Variants in GAB1 observed in about 807,000 individuals in gnomAD.
The protein encoded by GAB1 is GRB2 associated binding protein 1, also known as GRB2-associated-binding protein 1.
Under a neutral mutation model 66.5 loss-of-function variants are expected in GAB1, and 19 were observed. The observed-to-expected ratio is 0.29, with a 90% CI of 0.20 to 0.42. GAB1 has a LOEUF of 0.42. Among genes scored for constraint, GAB1 ranks in the 10% least tolerant of loss-of-function variants. GAB1 has a pLI of 1.00. For missense variants in GAB1, 732 were observed against 858.5 expected (o/e 0.85, Z 1.84); for synonymous variants, 294 against 301.4 (o/e 0.98, Z 0.25).
chr4:143,382,511 G>A (rs1730698459), intron 1 of GAB1, among the ~76,000 whole-genome samples: 1 of 152,134 alleles, frequency 6.6e-6, no homozygotes, highest in East Asian at 1.9e-4. Flanking sequence ...AAAAGCAATG[G>A]AATTTTATCA....
rs1282822111 is a variant in GAB1, at chr4:143,471,884, AC to A, written c.*2696del. ...GGTTTTAAAATATGCACGTATAAAAACTAAATTTGAATCAAACCCTTTTAAC... is the reference window on the plus strand; with the variant it reads ...GGTTTTAAAATATGCACGTATAAAAATAAATTTGAATCAAACCCTTTTAAC... On this transcript the variant is annotated 3_prime_UTR_variant, in exon 10 of 10. Coordinates refer to ENST00000262994, the MANE Select transcript of GAB1 (RefSeq NM_002039.4). The A allele has an allele frequency of 6.6e-6, 1 of 152,156 alleles. No individual in the cohort carries two copies. Among genetic ancestry groups the A allele is most frequent in the African/African-American group, 2.4e-5 (1 of 41,450 alleles). 9.4% of individuals were successfully genotyped at this position (152,156 alleles called of 1,614,324 possible).
intron 1 of GAB1, among the ~76,000 whole-genome samples, chr4:143,391,894 A>G (rs1438556405): frequency 2.6e-5 from 4 of 152,202 alleles, no homozygotes; most frequent in Non-Finnish European, 4.4e-5. Context: ...GTTATAACAG[A>G]TATTTTTAAA....
At chr4:143,360,905 T>C (rs1195081376) in intron 1 of GAB1, among the ~76,000 whole-genome samples, 1 of 152,314 alleles carries the variant, frequency 6.6e-6, no homozygotes, top group East Asian at 1.9e-4. Context: ...AGGAGAAATA[T>C]CAATTCTAAT....
intron 1 of GAB1, among the ~76,000 whole-genome samples, chr4:143,361,253 A>G (rs1729652518): frequency 6.6e-6 from 1 of 152,124 alleles, no homozygotes; most frequent in Admixed American, 6.5e-5. Flanking sequence ...CATATTTTAG[A>G]TTACTATTAA....
At chr4:143,445,984 C>T (rs1734497078) in intron 6 of GAB1, among the ~76,000 whole-genome samples, 1 of 152,090 alleles carries the variant, frequency 6.6e-6, no homozygotes, top group Non-Finnish European at 1.5e-5. Context: ...TGATGTTCCC[C>T]TTCCTGTGTC....
chr4:143,446,436 C>T (rs1446018541), intron 6 of GAB1, among the ~76,000 whole-genome samples: 1 of 151,108 alleles, frequency 6.6e-6, no homozygotes, highest in African/African-American at 2.4e-5. Context: ...CCTATTTCTC[C>T]ACATCCTCTC....
At chr4:143,434,175 G>A in intron 3 of GAB1, 2 of 1,266,606 alleles carry the variant, frequency 1.6e-6, no homozygotes, top group South Asian at 2.5e-5. Context: ...TGCAGTGAGT[G>A]TGTTGTGGTG....
chr4:143,413,824 C>CTTTTTTTTTTTTT (rs35422180), intron 1 of GAB1, among the ~76,000 whole-genome samples: 3 of 67,830 alleles, frequency 4.4e-5, no homozygotes, highest in African/African-American at 9.4e-5. Context: ...CCCCGCTGCC[C>CTTTTTTTTTTTTT]TTTTTTTTTT....
intron 2 of GAB1, among the ~76,000 whole-genome samples, chr4:143,429,010 TAAA>T (rs764747064): frequency 1.3e-5 from 2 of 152,050 alleles, no homozygotes; most frequent in Non-Finnish European, 2.9e-5. Flanking sequence ...TAAAAATAAA[TAAA>T]AAAAATCATG....
intron 3 of GAB1, among the ~76,000 whole-genome samples, chr4:143,437,081 A>G (rs2149752868): frequency 6.6e-6 from 1 of 152,284 alleles, no homozygotes; most frequent in African/African-American, 2.4e-5. Flanking sequence ...TTCTGATAGT[A>G]AAGGGGGAGA....
At chr4:143,391,650 G>A (rs1021903361) in intron 1 of GAB1, 5 of 152,110 alleles carry the variant, frequency 3.3e-5, no homozygotes, top group African/African-American at 4.8e-5. Flanking sequence ...ATTCATCTTG[G>A]CTTTTCTTTT....
At chr4:143,413,672 T>C (rs574145907) in intron 1 of GAB1, among the ~76,000 whole-genome samples, 12 of 152,170 alleles carry the variant, frequency 7.9e-5, no homozygotes, top group Admixed American at 6.5e-4. Flanking sequence ...GTATGTTAAA[T>C]ATTTTTTTCC....
intron 1 of GAB1, among the ~76,000 whole-genome samples, chr4:143,371,820 T>A (rs1392943366): frequency 6.6e-6 from 1 of 152,222 alleles, no homozygotes; most frequent in Non-Finnish European, 1.5e-5. Flanking sequence ...CTTTCCCGAT[T>A]TCTTGTTTTT....
chr4:143,446,599 G>C (rs541754878), intron 6 of GAB1, among the ~76,000 whole-genome samples: 14 of 152,324 alleles, frequency 9.2e-5, no homozygotes, highest in African/African-American at 3.1e-4. Flanking sequence ...CTTCTTTTGA[G>C]AAGTGTCTGT....
At chr4:143,441,258 C>T (rs187607282) in intron 6 of GAB1, among the ~76,000 whole-genome samples, 1 of 152,274 alleles carries the variant, frequency 6.6e-6, no homozygotes, top group African/African-American at 2.4e-5. Context: ...TTGCACCATG[C>T]TGTTAGTGTG....
rs528174220 is a variant in GAB1 at position 143,348,037 on chromosome 4, C to A, written c.72+10777C>A. Among the ~76,000 whole-genome samples, 11 of 152,294 alleles carry A rather than the reference C, an allele frequency of 7.2e-5. No homozygotes were observed. The South Asian group carries it at 1.9e-3, about 26-fold the overall frequency. ...GAGTTCTTGAGGGTTCCAGTGCTAG[C>A]CCTGGTTGGTCTCCTCCTCTTTTCA... On this transcript the variant is annotated intron_variant, in intron 1 of 9. Coordinates refer to ENST00000262994, the MANE Select transcript of GAB1 (RefSeq NM_002039.4).
chr4:143,418,296 T>C (rs1487561838), intron 2 of GAB1, among the ~76,000 whole-genome samples: 1 of 152,242 alleles, frequency 6.6e-6, no homozygotes, highest in Admixed American at 6.5e-5. Flanking sequence ...GTGGTCACAG[T>C]GTAAGTGGGC....
intron 1 of GAB1, among the ~76,000 whole-genome samples, chr4:143,362,498 G>A (rs993132293): frequency 1.3e-5 from 2 of 152,178 alleles, no homozygotes; most frequent in Non-Finnish European, 2.9e-5. Context: ...TAAACAAGGG[G>A]CGGATTATTC....
intron 1 of GAB1, 101 bp from the exon 2 acceptor site, chr4:143,415,376 C>A: frequency 1.1e-6 from 1 of 929,286 alleles, no homozygotes; most frequent in Non-Finnish European, 1.6e-6. Context: ...TTGTGACTTT[C>A]TCTAAACAAT....
Sources: allele counts gnomAD v4.1 joint callset (sites outside exome capture counted in the v4.1 genomes callset), GRCh38; gene constraint gnomAD v4.1.1; transcripts MANE v1.5; gene names NCBI Gene and HGNC (gene_info 2026-07-23, HGNC 2026-07-21).